Variants in RPA1 observed in about 807,000 individuals in gnomAD.
RPA1 encodes the protein replication protein A 70 kDa DNA-binding subunit.
Under a neutral mutation model 83.0 loss-of-function variants are expected in RPA1, and 49 were observed. The observed-to-expected ratio is 0.59, with a 90% CI of 0.47 to 0.75. The LOEUF is 0.75. Ranked by LOEUF, RPA1 falls within the 30% of genes least tolerant of loss-of-function variation. The pLI is 0.00. For synonymous variants in RPA1, 279 were observed against 281.8 expected (o/e 0.99, Z 0.10); for missense variants, 693 against 776.1 (o/e 0.89, Z 1.27).
chr17:1,855,710 A>C (rs1912667741), intron 5 of RPA1, among the ~76,000 whole-genome samples: 1 of 152,090 alleles, frequency 6.6e-6, no homozygotes, highest in African/African-American at 2.4e-5. Flanking sequence ...TTATGGAATA[A>C]GTTGGGAAGT....
At chr17:1,866,313 T>TTTTTTTC (rs1378352149) in intron 5 of RPA1, among the ~76,000 whole-genome samples, 1 of 152,084 alleles carries the variant, frequency 6.6e-6, no homozygotes, top group East Asian at 1.9e-4. Context: ...AGAGATCTTT[T>TTTTTTTC]TTTTTTCTTT....
At chr17:1,844,507 A>T (rs1279145356) in intron 3 of RPA1, 71 bp from the exon 4 acceptor site, 1 of 1,145,754 alleles carries the variant, frequency 8.7e-7, no homozygotes, top group Non-Finnish European at 1.3e-6. Context: ...TTGCTAGCAC[A>T]GGTATGAGTA....
chr17:1,830,132 G>A lies in RPA1; in HGVS notation c.33+6G>A. 8.0e-7 allele frequency: 1 copy of A among 1,246,414 alleles called. No homozygotes were observed. The highest frequency in any genetic ancestry group is 3.2e-5 in the East Asian group (1 of 31,712). 77.2% of individuals were successfully genotyped at this position (1,246,414 alleles called of 1,614,324 possible). ...TGAGCGAGGGGGCCATTGCGGTGAGGAGGTGCCGGGGGCTGGGCCGGCGGT... is the reference window on the plus strand; with the variant it reads ...TGAGCGAGGGGGCCATTGCGGTGAGAAGGTGCCGGGGGCTGGGCCGGCGGT... On this transcript the variant is annotated splice_donor_region_variant and intron_variant, in intron 1 of 16. Coordinates refer to ENST00000254719, the MANE Select transcript of RPA1 (RefSeq NM_002945.5).
intron 11 of RPA1, 36 bp from the exon 12 acceptor site, chr17:1,880,507 A>G (rs1343410501): frequency 1.2e-6 from 2 of 1,601,764 alleles, no homozygotes; most frequent in African/African-American, 1.3e-5. Flanking sequence ...TCTTCCTGCT[A>G]GTGACACTTG....
At chr17:1,833,056 A>G (rs1223914943) in intron 1 of RPA1, among the ~76,000 whole-genome samples, 1 of 151,992 alleles carries the variant, frequency 6.6e-6, no homozygotes, top group African/African-American at 2.4e-5. Context: ...CCTCCCTAGA[A>G]GCTGGGATTA....
intron 7 of RPA1, among the ~76,000 whole-genome samples, chr17:1,876,136 ATCT>A (rs909875466): frequency 6.6e-6 from 1 of 152,240 alleles, no homozygotes; most frequent in African/African-American, 2.4e-5. Context: ...AAGGCATTTA[ATCT>A]TCTCCTATAA....
intron 5 of RPA1, among the ~76,000 whole-genome samples, chr17:1,858,755 G>T (rs910710699): frequency 4.6e-5 from 7 of 151,468 alleles, no homozygotes; most frequent in African/African-American, 1.7e-4. Flanking sequence ...ATGAGCCATC[G>T]TGCCAGCCAA....
chr17:1,883,146 C>A (rs557989168), intron 12 of RPA1, among the ~76,000 whole-genome samples: 1 of 152,154 alleles, frequency 6.6e-6, no homozygotes, highest in Non-Finnish European at 1.5e-5. Flanking sequence ...CAGAGCAAGA[C>A]CCCATCTCTT....
At chr17:1,857,472 GAACT>G (rs1441175333) in intron 5 of RPA1, among the ~76,000 whole-genome samples, 5 of 151,544 alleles carry the variant, frequency 3.3e-5, no homozygotes, top group African/African-American at 1.2e-4. Flanking sequence ...GCTGCTCCAA[GAACT>G]AACTAGCCCT....
chr17:1,862,349 C>G (rs1295423864), intron 5 of RPA1, among the ~76,000 whole-genome samples: 1 of 151,622 alleles, frequency 6.6e-6, no homozygotes, highest in Non-Finnish European at 1.5e-5. Context: ...ATGTAGCTCT[C>G]TTATACCTCT....
At chr17:1,841,265 G>T (rs1233048268) in intron 1 of RPA1, among the ~76,000 whole-genome samples, 1 of 151,978 alleles carries the variant, frequency 6.6e-6, no homozygotes, top group Non-Finnish European at 1.5e-5. Context: ...CGATCATATT[G>T]TCTACAAATA....
chr17:1,883,268 A>T (rs1597454622), intron 12 of RPA1, among the ~76,000 whole-genome samples: 1 of 152,036 alleles, frequency 6.6e-6, no homozygotes, highest in Non-Finnish European at 1.5e-5. Context: ...CCTACAAGTG[A>T]TTCTCCTGCC....
At chr17:1,889,234 C>T (rs542717325) in intron 14 of RPA1, among the ~76,000 whole-genome samples, 12 of 152,154 alleles carry the variant, frequency 7.9e-5, no homozygotes, top group East Asian at 3.9e-4. Context: ...AGGAATGTGA[C>T]GGTGTGCTGA....
chr17:1,879,573 C>G lies in RPA1; in HGVS notation c.966C>G (p.Ile322Met), dbSNP rs779352401. The G allele has an allele frequency of 6.2e-7, 1 of 1,614,214 alleles. No individual in the cohort carries two copies. Among genetic ancestry groups the G allele is most frequent in the Non-Finnish European group, 8.5e-7 (1 of 1,180,044 alleles). ...SKDSLVDIIGICKSYEDATKI... is the reference protein window; with the variant it reads ...SKDSLVDIIGMCKSYEDATKI... ...CATGTGTTTTAGACATCATCGGGATCTGCAAGAGCTATGAAGACGCCACTA... is the reference window on the plus strand; with the variant it reads ...CATGTGTTTTAGACATCATCGGGATGTGCAAGAGCTATGAAGACGCCACTA... The change falls in exon 11 of 17, where the codon ATC (isoleucine) becomes ATG (methionine). Residue 322 changes from isoleucine (I) to methionine (M), a missense_variant. Ile to Met is a conservative substitution (Grantham distance 10). Transcript: ENST00000254719.
At chr17:1,855,315 C>A (rs1000303083) in intron 5 of RPA1, among the ~76,000 whole-genome samples, 1 of 149,822 alleles carries the variant, frequency 6.7e-6, no homozygotes, top group African/African-American at 2.5e-5. Context: ...GTGTATGACA[C>A]CACACCCGGC....
At chr17:1,860,263 G>A (rs1230064194) in intron 5 of RPA1, among the ~76,000 whole-genome samples, 2 of 151,970 alleles carry the variant, frequency 1.3e-5, no homozygotes, top group African/African-American at 4.8e-5. Flanking sequence ...GGGCCTGCCT[G>A]TGGACTGCCT....
At chr17:1,855,512 G>T (rs981394681) in intron 5 of RPA1, among the ~76,000 whole-genome samples, 2 of 152,106 alleles carry the variant, frequency 1.3e-5, no homozygotes, top group Non-Finnish European at 2.9e-5. Flanking sequence ...AACCAATCTG[G>T]GATCTCTGGG....
chr17:1,851,420 G>T (rs555887119), intron 4 of RPA1, among the ~76,000 whole-genome samples: 8 of 152,282 alleles, frequency 5.3e-5, no homozygotes, highest in African/African-American at 1.9e-4. Context: ...ATTTGCTGAA[G>T]AAACCAGGTC....
Position 1,884,068 on chromosome 17 carries a change from C to T in RPA1, c.1374+124C>T, listed in dbSNP as rs567826537. 87 of 1,324,412 alleles carry T rather than the reference C, an allele frequency of 6.6e-5. No individual in the cohort carries two copies. Among genetic ancestry groups the T allele is most frequent in the South Asian group, 4.2e-4 (31 of 73,436 alleles). The allele number at this position is 1,324,412 out of a possible 1,614,324, so 82.0% of individuals were successfully genotyped here. A position where few individuals can be genotyped will look rare whatever the true frequency, so the allele number is the denominator to read the frequency against. ...TTCTTACCCGGGGCTGTGACCTGAG[C>T]GTGGCATGGGGGTTGAGAATCACTG... On this transcript the variant is annotated intron_variant, in intron 13 of 16. Transcript: ENST00000254719. The surrounding 1 kb of genome is among the most constrained non-coding windows in gnomAD (Gnocchi z 4.1).
Sources: allele counts gnomAD v4.1 joint callset (sites outside exome capture counted in the v4.1 genomes callset), GRCh38; gene constraint gnomAD v4.1.1; non-coding constraint Gnocchi (gnomAD v3.1); transcripts MANE v1.5; gene names NCBI Gene and HGNC (gene_info 2026-07-23, HGNC 2026-07-21).